Variants in NPHP4 observed in about 807,000 individuals in gnomAD.
NPHP4 encodes the protein nephrocystin-4.
A neutral mutation model predicts 155.8 loss-of-function variants in NPHP4; 151 were observed. That is an observed-to-expected ratio of 0.97 (90% CI 0.85 to 1.11). The LOEUF (loss-of-function observed/expected upper bound fraction) is 1.11. Ranked by LOEUF, NPHP4 falls within the 50% of genes least tolerant of loss-of-function variation. The pLI, the probability that NPHP4 is intolerant of heterozygous loss-of-function variation, is 0.00. For synonymous variants in NPHP4, 845 were observed against 816.8 expected, an observed-to-expected ratio of 1.03 and a Z score of -0.59; for missense variants, 1,956 against 1,925.7, an observed-to-expected ratio of 1.02 and a Z score of -0.29.
At position 5,973,312 on chromosome 1, in the gene NPHP4, C is replaced by T. The variant is rs192155050; in HGVS notation, c.280-4053G>A. 2.1e-4 allele frequency among the ~76,000 whole-genome samples: 32 copies of T among 152,370 alleles called. 1 individual carries two copies. In the East Asian group the frequency reaches 6.0e-3, roughly 28 times the overall value. On this transcript the variant is annotated intron_variant, in intron 3 of 29. Transcript: ENST00000378156. ...CCTACCTCAACTCCGACGCCCATGG[C>T]GAAAGCCAGTTCTCCCTCTGGCCTA...
chr1:5,872,618 C>T (rs555559016), intron 23 of NPHP4, among the ~76,000 whole-genome samples: 38 of 152,314 alleles, frequency 2.5e-4, no homozygotes, highest in South Asian at 6.2e-4. Context: ...GCCACGGGAA[C>T]GCCACAGCCT....
At chr1:5,980,812 C>T (rs1654555844) in intron 2 of NPHP4, among the ~76,000 whole-genome samples, 3 of 152,140 alleles carry the variant, frequency 2.0e-5, no homozygotes, top group African/African-American at 7.2e-5. Context: ...GTGGGCAGAG[C>T]AGGTCTGAAG....
In NPHP4 at chr1:5,874,859, C is replaced by G; in HGVS notation, c.3044+15G>C. 6 of 1,609,292 alleles carry G rather than the reference C, an allele frequency of 3.7e-6. No homozygotes were observed. The highest frequency in any genetic ancestry group is 5.1e-6 in the Non-Finnish European group (6 of 1,175,908). ...GATCTGGGCTGGGGCAGGACGGGCA[C>G]CACTGAGACCTCACCTGAGCTCGGG... On this transcript the variant is annotated intron_variant, in intron 21 of 29. Transcript: ENST00000378156.
chr1:5,869,793 T>C (rs955959448), intron 23 of NPHP4, among the ~76,000 whole-genome samples: 2 of 152,306 alleles, frequency 1.3e-5, no homozygotes, highest in East Asian at 3.9e-4. Context: ...CAGAGGAAAT[T>C]AGGCAAATAA....
chr1:5,920,047 C>G (rs891560621), intron 11 of NPHP4, among the ~76,000 whole-genome samples: 17 of 152,120 alleles, frequency 1.1e-4, no homozygotes, highest in Non-Finnish European at 2.2e-4. Flanking sequence ...ATCTCTTGCC[C>G]CAGCCTCCCG....
chr1:5,907,246 G>A, intron 12 of NPHP4, 24 bp from the exon 13 acceptor site: 1 of 1,459,768 alleles, frequency 6.9e-7, no homozygotes, highest in East Asian at 2.5e-5. Context: ...GAGCACAGGT[G>A]AGGGGCTCAG....
intron 2 of NPHP4, among the ~76,000 whole-genome samples, chr1:5,985,301 C>G (rs1655305288): frequency 6.6e-6 from 1 of 152,276 alleles, no homozygotes; most frequent in Non-Finnish European, 1.5e-5. Context: ...CCACCGGCCA[C>G]TGGGCCTCAC....
In NPHP4 at chr1:5,910,680, AAAAC is replaced by A. The variant is rs1296733705; in HGVS notation, c.1442-1471_1442-1468del. Among the ~76,000 whole-genome samples, 4 of 152,346 alleles carry A rather than the reference AAAAC, an allele frequency of 2.6e-5. No homozygotes were observed. Among genetic ancestry groups the A allele is most frequent in the Non-Finnish European group, 4.4e-5 (3 of 68,030 alleles). ...TTCCGCTCTGAATCCCAAAAAAACAAAAACAACAAGGAAAATGCTGTCGACCAAG... is the reference window on the plus strand; with the variant it reads ...TTCCGCTCTGAATCCCAAAAAAACAAAACAAGGAAAATGCTGTCGACCAAG... On this transcript the variant is annotated intron_variant, in intron 11 of 29. Coordinates refer to ENST00000378156, the MANE Select transcript of NPHP4 (RefSeq NM_015102.5). This position sits in a 1 kb window ranked among gnomAD's most constrained non-coding sequence, Gnocchi z 5.4.
intron 1 of NPHP4, among the ~76,000 whole-genome samples, chr1:5,989,663 ATGCAGGCCG>A (rs1557902261): frequency 6.6e-6 from 1 of 152,228 alleles, no homozygotes; most frequent in Non-Finnish European, 1.5e-5. Context: ...TTCACACACA[ATGCAGGCCG>A]TGATGGCCCC....
At chr1:5,941,728 C>T (rs1280075778) in intron 9 of NPHP4, among the ~76,000 whole-genome samples, 1 of 152,240 alleles carries the variant, frequency 6.6e-6, no homozygotes, top group African/African-American at 2.4e-5. Context: ...AGGACTCCAT[C>T]CGGCCAAATC....
At chr1:5,966,524 A>T (rs1451101950) in intron 5 of NPHP4, among the ~76,000 whole-genome samples, 1 of 152,130 alleles carries the variant, frequency 6.6e-6, no homozygotes, top group African/African-American at 2.4e-5. Context: ...TGAGATTACA[A>T]GCCTGAGCCA....
intron 9 of NPHP4, among the ~76,000 whole-genome samples, chr1:5,936,767 C>T (rs930199742): frequency 1.3e-5 from 2 of 152,180 alleles, no homozygotes; most frequent in Non-Finnish European, 2.9e-5. Context: ...AACCAGAGTC[C>T]CTGTGGCGGG....
At position 5,892,723 on chromosome 1, in the gene NPHP4, G is replaced by A. The variant is rs577285460; in HGVS notation, c.2144-1695C>T. 4.6e-5 allele frequency among the ~76,000 whole-genome samples: 7 copies of A among 152,166 alleles called. No individual in the cohort carries two copies. In the East Asian group the frequency reaches 1.2e-3, roughly 25 times the overall value. ...TCCCCTCCCTGTCCAGCTGAGACAA[G>A]TGGCTCCTCCGTGGCCACCCCTGAG... On this transcript the variant is annotated intron_variant, in intron 16 of 29. Coordinates refer to ENST00000378156, the MANE Select transcript of NPHP4 (RefSeq NM_015102.5). The surrounding 1 kb of genome is among the most constrained non-coding windows in gnomAD (Gnocchi z 4.5).
chr1:5,955,960 T>G (rs1308183848), intron 6 of NPHP4, among the ~76,000 whole-genome samples: 1 of 148,676 alleles, frequency 6.7e-6, no homozygotes, highest in Admixed American at 6.8e-5. Flanking sequence ...TTTGATCTAC[T>G]CTACAACACA....
In NPHP4 at chr1:5,866,477, G is replaced by A. The variant is rs1233383340; in HGVS notation, c.3559-19C>T. On this transcript the variant is annotated intron_variant, in intron 25 of 29. Transcript: ENST00000378156. ...CGGGGCCCTGCCAACCAGATGTGCA[G>A]CACATCAGGGCACACAGTGCTCTGC... 2 of 1,435,906 alleles carry A rather than the reference G, an allele frequency of 1.4e-6. No individual in the cohort carries two copies. The highest frequency in any genetic ancestry group is 4.7e-5 in the East Asian group (2 of 42,446). The allele number at this position is 1,435,906 out of a possible 1,614,324, so 88.9% of individuals were successfully genotyped here.
intron 2 of NPHP4, 106 bp from the exon 3 acceptor site, chr1:5,978,519 G>A (rs1323812956): frequency 1.8e-6 from 2 of 1,082,110 alleles, no homozygotes; most frequent in East Asian, 2.6e-5. Context: ...TCAGATATCA[G>A]CACGCTGGTT....
intron 3 of NPHP4, among the ~76,000 whole-genome samples, chr1:5,975,553 C>T (rs548730247): frequency 6.6e-6 from 1 of 152,196 alleles, no homozygotes; most frequent in African/African-American, 2.4e-5. Context: ...ACTAGTCCCC[C>T]GGGCCCATCC....
At position 5,890,778 on chromosome 1, in the gene NPHP4, G is replaced by A. The variant is rs528167663; in HGVS notation, c.2304+90C>T. The A allele has an allele frequency of 7.7e-6, 10 of 1,299,138 alleles. No homozygotes were observed. Among genetic ancestry groups the A allele is most frequent in the African/African-American group, 5.8e-5 (4 of 68,542 alleles). 80.5% of individuals were successfully genotyped at this position (1,299,138 alleles called of 1,614,324 possible). A position where few individuals can be genotyped will look rare whatever the true frequency, so the allele number is the denominator to read the frequency against. On this transcript the variant is annotated intron_variant, in intron 17 of 29. Coordinates refer to ENST00000378156, the MANE Select transcript of NPHP4 (RefSeq NM_015102.5). The surrounding 1 kb of genome is among the most constrained non-coding windows in gnomAD (Gnocchi z 4.9). ...ACAAGTCCTGTGCGGGATAGCGCCC[G>A]CTCCTTCCAAGCAGACAGACGCTGG...
intron 8 of NPHP4, 150 bp from the exon 9 acceptor site, chr1:5,947,380 C>T (rs376750217): frequency 1.2e-4 from 86 of 744,544 alleles, no homozygotes; most frequent in East Asian, 7.6e-4. Context: ...TAACACTGCA[C>T]GCTCTCCCAA....
Sources: gnomAD v4.1 joint callset for allele counts (sites outside exome capture counted in the v4.1 genomes callset) on GRCh38, gnomAD v4.1.1 for gene constraint, Gnocchi (gnomAD v3.1) non-coding constraint, MANE v1.5 for transcripts, NCBI Gene and HGNC (gene_info 2026-07-23, HGNC 2026-07-21) for gene names.